Variants in BFSP1 observed in about 807,000 individuals in gnomAD.
BFSP1 encodes beaded filament structural protein 1.
Under a neutral mutation model 43.9 loss-of-function variants are expected in BFSP1, and 38 were observed. That is an observed-to-expected ratio of 0.87 (90% CI 0.67 to 1.14). BFSP1 has a LOEUF of 1.14. BFSP1 is among the 50% of genes most tolerant of loss of function. The pLI, the probability that BFSP1 is intolerant of heterozygous loss-of-function variation, is 0.00. For synonymous variants in BFSP1, 352 were observed against 354.8 expected (o/e 0.99, Z 0.09); for missense variants, 850 against 875.1 (o/e 0.97, Z 0.36).
chr20:17,539,281 T>C (rs1173366118), intron 1 of BFSP1, among the ~76,000 whole-genome samples: 1 of 151,828 alleles, frequency 6.6e-6, no homozygotes, highest in East Asian at 1.9e-4. Flanking sequence ...CAGCTAATTT[T>C]TAAACTGTTT....
At chr20:17,503,706 T>C (rs1239216309) in intron 5 of BFSP1, among the ~76,000 whole-genome samples, 4 of 152,208 alleles carry the variant, frequency 2.6e-5, no homozygotes, top group Non-Finnish European at 4.4e-5. Flanking sequence ...TCCTCCCTGC[T>C]GCAGGCAACA....
intron 1 of BFSP1, among the ~76,000 whole-genome samples, chr20:17,567,652 G>A (rs1272593530): frequency 2.6e-5 from 4 of 152,126 alleles, no homozygotes; most frequent in South Asian, 2.1e-4. Context: ...ACCTGAGGTC[G>A]GGAGTTCAAG....
At chr20:17,565,138 ACTTATT>A (rs994317826) in intron 1 of BFSP1, among the ~76,000 whole-genome samples, 1 of 151,862 alleles carries the variant, frequency 6.6e-6, no homozygotes, top group Non-Finnish European at 1.5e-5. Context: ...CCTATTTAAC[ACTTATT>A]CTGATTTTTT....
chr20:17,510,810 G>A (rs534164512), intron 4 of BFSP1, among the ~76,000 whole-genome samples: 5 of 152,288 alleles, frequency 3.3e-5, no homozygotes, highest in South Asian at 2.1e-4. Flanking sequence ...TGTCACCAGG[G>A]TTGAGAGCCA....
intron 1 of BFSP1, 37 bp downstream of exon 1, chr20:17,530,916 C>T: frequency 7.3e-7 from 1 of 1,369,362 alleles, no homozygotes; most frequent in Non-Finnish European, 9.4e-7. Context: ...GGACGGCCCA[C>T]GCCCTGCCTC....
At position 17,531,100 on chromosome 20, in the gene BFSP1, C is replaced by T. The variant is rs2034525683; in HGVS notation, c.230G>A (p.Arg77His). The T allele has an allele frequency of 2.2e-6, 3 of 1,354,848 alleles. No individual in the cohort carries two copies. The highest frequency in any genetic ancestry group is 2.7e-4 in the Middle Eastern group (1 of 3,766). The allele number at this position is 1,354,848 out of a possible 1,614,324, so 83.9% of individuals were successfully genotyped here. A position where few individuals can be genotyped will look rare whatever the true frequency, so the allele number is the denominator to read the frequency against. Reference sequence around the variant, plus strand: ...CTCGGGCCCGGCCAGCTCGCCCAGGCGCTGGAAGGCATCCAGCTGCCTCCG... The same window carrying T: ...CTCGGGCCCGGCCAGCTCGCCCAGGTGCTGGAAGGCATCCAGCTGCCTCCG... ...GLRRQLDAFQ[R>H]LGELAGPEDA... Residue 77 changes from arginine to histidine, a missense_variant, in exon 1 of 8, where the codon CGC (arginine) becomes CAC (histidine). Physicochemically the swap from Arg to His is conservative, Grantham distance 29. Coordinates refer to ENST00000377873, the MANE Select transcript of BFSP1 (RefSeq NM_001195.5).
rs547108193 is a variant in BFSP1, at chr20:17,509,078, C to A, written c.628-82G>T. On this transcript the variant is annotated intron_variant, in intron 4 of 7. Transcript: ENST00000377873. ...AGAAGGTGCGGGGCCCTGGTATGGA[C>A]GGAATATCCGTGTCCCCCTGAATTC... 97 of 1,011,348 alleles carry A rather than the reference C, an allele frequency of 9.6e-5. 1 individual carries two copies. The South Asian group carries it at 1.7e-3, about 18-fold the overall frequency. The allele number at this position is 1,011,348 out of a possible 1,614,324, so 62.6% of individuals were successfully genotyped here. A position where few individuals can be genotyped will look rare whatever the true frequency, so the allele number is the denominator to read the frequency against.
At chr20:17,532,683 ATAAT>A (rs1032045669), upstream of BFSP1, among the ~76,000 whole-genome samples, 3 of 151,776 alleles carry the variant, frequency 2.0e-5, no homozygotes, top group African/African-American at 4.8e-5. Context: ...ATATATATAT[ATAAT>A]TAATAGCTAG....
intron 1 of BFSP1, among the ~76,000 whole-genome samples, chr20:17,545,551 G>A (rs962270713): frequency 2.0e-5 from 3 of 152,222 alleles, no homozygotes; most frequent in Non-Finnish European, 4.4e-5. Context: ...AGGAGCCTAA[G>A]ACAGCCAGAG....
At chr20:17,512,217 CTG>C in intron 3 of BFSP1, 149 bp from the exon 4 acceptor site, 1 of 612,752 alleles carries the variant, frequency 1.6e-6, no homozygotes, top group Non-Finnish European at 2.8e-6. Flanking sequence ...GAAGAAGAGA[CTG>C]ATGCATTTGC....
chr20:17,566,223 G>A (rs1039797932), intron 1 of BFSP1, among the ~76,000 whole-genome samples: 1 of 151,428 alleles, frequency 6.6e-6, no homozygotes, highest in African/African-American at 2.4e-5. Flanking sequence ...TTTCTATGCT[G>A]TATATTGACA....
At chr20:17,564,177 GAC>G (rs143479468) in intron 1 of BFSP1, among the ~76,000 whole-genome samples, 7 of 150,026 alleles carry the variant, frequency 4.7e-5, no homozygotes, top group Non-Finnish European at 5.9e-5. Flanking sequence ...TACATACACA[GAC>G]ACACACACAC....
chr20:17,526,158 G>T (rs1352488215), intron 1 of BFSP1, among the ~76,000 whole-genome samples: 2 of 79,504 alleles, frequency 2.5e-5, no homozygotes, highest in African/African-American at 9.3e-5. Flanking sequence ...GGGGGGGGGG[G>T]GGCTGGTAAA....
chr20:17,516,333 A>T (rs887483063), intron 2 of BFSP1, among the ~76,000 whole-genome samples: 3 of 152,154 alleles, frequency 2.0e-5, no homozygotes, highest in African/African-American at 2.4e-5. Flanking sequence ...ATCTCAAAAA[A>T]AATTAATTAA....
At chr20:17,495,863 G>C (rs368609818) in intron 7 of BFSP1, among the ~76,000 whole-genome samples, 7 of 152,264 alleles carry the variant, frequency 4.6e-5, no homozygotes, top group Admixed American at 3.9e-4. Context: ...GGGCAAGACC[G>C]ATCAAGCACC....
Position 17,530,994 on chromosome 20 carries a change from C to T in BFSP1, c.336G>A (p.Gln112=). 1 of 1,439,404 alleles carries T rather than the reference C, an allele frequency of 6.9e-7. No individual in the cohort carries two copies. The highest frequency in any genetic ancestry group is 9.1e-7 in the Non-Finnish European group (1 of 1,100,948). 89.2% of individuals were successfully genotyped at this position (1,439,404 alleles called of 1,614,324 possible). ...LEAERARLER[Q]GTEAQRALDE... The stretch of plus-strand genomic sequence containing the variant: ...CGAGCGCGCGCTGCGCCTCGGTGCC[C>T]TGGCGCTCCAGCCGGGCGCGCTCGG... Residue 112 remains glutamine (Q), a synonymous_variant, in exon 1 of 8, where the codon CAG becomes CAA. Coordinates refer to ENST00000377873, the MANE Select transcript of BFSP1 (RefSeq NM_001195.5).
chr20:17,539,105 C>CTT (rs1156875265), intron 1 of BFSP1, among the ~76,000 whole-genome samples: 798 of 63,572 alleles, frequency 0.013, 94 homozygotes, highest in African/African-American at 0.048. Context: ...ATTTCTTCTT[C>CTT]TTTTTTTTTT....
chr20:17,564,124 A>G (rs923705726), intron 1 of BFSP1, among the ~76,000 whole-genome samples: 36 of 152,096 alleles, frequency 2.4e-4, no homozygotes, highest in African/African-American at 8.2e-4. Context: ...CTTGAGTCCA[A>G]GCGTTCCAGA....
intron 1 of BFSP1, among the ~76,000 whole-genome samples, chr20:17,554,074 G>GA (rs1350107680): frequency 6.6e-6 from 1 of 151,110 alleles, no homozygotes; most frequent in East Asian, 1.9e-4. Context: ...TGATTTTCTA[G>GA]AAAAAAAGAC....
Sources: allele counts gnomAD v4.1 joint callset (sites outside exome capture counted in the v4.1 genomes callset), GRCh38; gene constraint gnomAD v4.1.1; transcripts MANE v1.5; gene names NCBI Gene and HGNC (gene_info 2026-07-23, HGNC 2026-07-21).